Variants in DNAJC21 observed in about 807,000 individuals in gnomAD.
The protein encoded by DNAJC21 is DnaJ heat shock protein family (Hsp40) member C21, also known as dnaJ homolog subfamily C member 21.
DNAJC21 carries 63 observed loss-of-function variants against 72.4 expected under a neutral mutation model. The observed-to-expected ratio is 0.87, with a 90% CI of 0.71 to 1.07. DNAJC21 has a LOEUF of 1.07. Ranked by LOEUF, DNAJC21 falls within the 50% of genes least tolerant of loss-of-function variation. DNAJC21 has a pLI of 0.00. For missense variants in DNAJC21, 634 were observed against 644.8 expected (o/e 0.98, Z 0.18); for synonymous variants, 203 against 216.7 (o/e 0.94, Z 0.56).
rs1580518081 is a variant in DNAJC21 at position 34,929,697 on chromosome 5, C to T, written c.-123C>T. 1 of 255,426 alleles carries T rather than the reference C, an allele frequency of 3.9e-6. No homozygotes were observed. The allele number at this position is 255,426 out of a possible 1,614,324, so 15.8% of individuals were successfully genotyped here. On this transcript the variant is annotated 5_prime_UTR_variant, in exon 1 of 12. Coordinates refer to ENST00000648817, the MANE Select transcript of DNAJC21 (RefSeq NM_001012339.3). ...CCGCCGCCGGGCTCGCTGGCTGGCC[C>T]GGTGCGGGCGGCGGACTCCCGCCGG...
chr5:34,951,614 G>A (rs377278604), intron 10 of DNAJC21: 58 of 945,874 alleles, frequency 6.1e-5, no homozygotes, highest in Admixed American at 4.4e-4. Flanking sequence ...TGCAACCTCC[G>A]CCTCCTGGGT....
intron 10 of DNAJC21, chr5:34,952,885 T>C (rs1765422460): frequency 6.6e-6 from 1 of 152,136 alleles, no homozygotes; most frequent in Non-Finnish European, 1.5e-5. Flanking sequence ...GCAGGGTGGC[T>C]CACGCTTATA....
rs546858370 is a variant in DNAJC21, at chr5:34,929,683, C to T, written c.-137C>T. 2.0e-4 allele frequency: 41 copies of T among 207,794 alleles called. 1 individual carries two copies. The South Asian group carries it at 6.0e-3, about 31-fold the overall frequency. The allele number at this position is 207,794 out of a possible 1,614,324, so 12.9% of individuals were successfully genotyped here. Reference sequence around the variant, plus strand: ...CGCCGCCGCCGCCGCCGCCGCCGGGCTCGCTGGCTGGCCCGGTGCGGGCGG... The same window carrying T: ...CGCCGCCGCCGCCGCCGCCGCCGGGTTCGCTGGCTGGCCCGGTGCGGGCGG... On this transcript the variant is annotated 5_prime_UTR_variant, in exon 1 of 12. Transcript: ENST00000648817.
chr5:34,946,127 A>G (rs958683055), intron 9 of DNAJC21, among the ~76,000 whole-genome samples: 1 of 152,200 alleles, frequency 6.6e-6, no homozygotes, highest in African/African-American at 2.4e-5. Flanking sequence ...CAAGACAACA[A>G]TTAAAATCTT....
intron 2 of DNAJC21, among the ~76,000 whole-genome samples, chr5:34,934,722 A>G (rs1764713630): frequency 6.6e-6 from 1 of 152,214 alleles, no homozygotes; most frequent in African/African-American, 2.4e-5. Context: ...ACAAGGAAAT[A>G]GGTTTTAAGC....
intron 10 of DNAJC21, 127 bp from the exon 11 acceptor site, chr5:34,953,799 C>T: frequency 4.1e-6 from 2 of 491,784 alleles, no homozygotes; most frequent in Non-Finnish European, 6.8e-6. Flanking sequence ...TTTAAATTGC[C>T]TTTAAAATTA....
At chr5:34,941,560 C>CTTTTTT (rs765889955) in intron 7 of DNAJC21, among the ~76,000 whole-genome samples, 10 of 76,088 alleles carry the variant, frequency 1.3e-4, no homozygotes, top group East Asian at 3.9e-4. Context: ...CTTGTGTTTT[C>CTTTTTT]TTTTTTTTTT....
At chr5:34,939,823 C>T (rs1431499103) in intron 6 of DNAJC21, among the ~76,000 whole-genome samples, 2 of 151,952 alleles carry the variant, frequency 1.3e-5, no homozygotes, top group Non-Finnish European at 2.9e-5. Flanking sequence ...TCTGATTTTC[C>T]CCACTGTCTC....
chr5:34,935,889 A>C, intron 3 of DNAJC21, 56 bp downstream of exon 3: 1 of 1,602,448 alleles, frequency 6.2e-7, no homozygotes, highest in East Asian at 2.2e-5. Flanking sequence ...TAAGACTCAC[A>C]TACAAAGAGA....
intron 1 of DNAJC21, among the ~76,000 whole-genome samples, chr5:34,933,362 C>T (rs1364310203): frequency 2.6e-5 from 4 of 152,206 alleles, no homozygotes; most frequent in Non-Finnish European, 5.9e-5. Context: ...ACCTCTGCTT[C>T]TTGGGTTCAA....
At chr5:34,951,781 A>G (rs1580541858) in intron 10 of DNAJC21, 2 of 983,890 alleles carry the variant, frequency 2.0e-6, no homozygotes, top group African/African-American at 1.7e-5. Context: ...GCCTTGGCCT[A>G]CCAAAGTGCT....
At chr5:34,939,145 G>A (rs572561562) in intron 6 of DNAJC21, 136 bp downstream of exon 6, 1 of 773,914 alleles carries the variant, frequency 1.3e-6, no homozygotes, top group East Asian at 2.8e-5. Flanking sequence ...AAGGTAGTCG[G>A]CTGAGCTAGT....
chr5:34,938,136 C>A (rs1180919239), intron 5 of DNAJC21, among the ~76,000 whole-genome samples: 1 of 152,126 alleles, frequency 6.6e-6, no homozygotes, highest in Non-Finnish European at 1.5e-5. Context: ...CCTTCAGAGA[C>A]CCTTTACATT....
At chr5:34,950,777 C>T in intron 10 of DNAJC21, 2 of 987,712 alleles carry the variant, frequency 2.0e-6, no homozygotes, top group Non-Finnish European at 2.4e-6. Context: ...CAGCTGGGGC[C>T]CTTCCTGCTC....
Position 34,950,474 on chromosome 5 carries a change from T to C in DNAJC21, c.1358+132T>C, listed in dbSNP as rs182942121. The C allele has an allele frequency of 2.8e-6, 4 of 1,421,872 alleles. No individual in the cohort carries two copies. In the Admixed American group the frequency reaches 8.7e-5, roughly 31 times the overall value. 88.1% of individuals were successfully genotyped at this position (1,421,872 alleles called of 1,614,324 possible). On this transcript the variant is annotated intron_variant, in intron 10 of 11. Transcript: ENST00000648817. Reference sequence around the variant, plus strand: ...TTAGATGTATCTGTACATATTTATGTATAGATACACACACACATATGTATA... The same window carrying C: ...TTAGATGTATCTGTACATATTTATGCATAGATACACACACACATATGTATA...
intron 10 of DNAJC21, chr5:34,951,033 G>A (rs1282857142): frequency 1.0e-6 from 1 of 985,404 alleles, no homozygotes; most frequent in Admixed American, 6.1e-5. Flanking sequence ...AGAGAGCAAA[G>A]TGGGAGCATG....
chr5:34,930,840 C>T (rs1764566052), intron 1 of DNAJC21, among the ~76,000 whole-genome samples: 1 of 152,142 alleles, frequency 6.6e-6, no homozygotes, highest in African/African-American at 2.4e-5. Context: ...CTGCCTTACA[C>T]AAATGAAAAG....
intron 5 of DNAJC21, 130 bp from the exon 6 acceptor site, chr5:34,938,728 G>A (rs934828402): frequency 1.7e-5 from 17 of 1,021,702 alleles, no homozygotes; most frequent in Non-Finnish European, 1.9e-5. Flanking sequence ...CTAAGCACAG[G>A]TTTTAAGTTT....
chr5:34,951,436 G>A, intron 10 of DNAJC21: 1 of 985,482 alleles, frequency 1.0e-6, no homozygotes, highest in Non-Finnish European at 1.2e-6. Flanking sequence ...TGTGTGTCCT[G>A]TGGGATGGGC....
Sources: gnomAD v4.1 joint callset for allele counts (sites outside exome capture counted in the v4.1 genomes callset) on GRCh38, gnomAD v4.1.1 for gene constraint, MANE v1.5 for transcripts, NCBI Gene and HGNC (gene_info 2026-07-23, HGNC 2026-07-21) for gene names.